The following SPIDR variants were observed in gnomAD, a reference collection of about 807,000 sequenced individuals.
SPIDR encodes scaffold protein involved in DNA repair, also known as DNA repair-scaffolding protein.
Under a neutral mutation model 104.6 loss-of-function variants are expected in SPIDR, and 93 were observed. That is an observed-to-expected ratio of 0.89 (90% CI 0.75 to 1.06). SPIDR has a LOEUF of 1.06. Ranked by LOEUF, SPIDR falls within the 50% of genes least tolerant of loss-of-function variation. SPIDR has a pLI of 0.00. For synonymous variants in SPIDR, 431 were observed against 416.9 expected (o/e 1.03, Z -0.41); for missense variants, 1,154 against 1,111.2 (o/e 1.04, Z -0.55).
chr8:47,499,654 T>C (rs571905385), intron 8 of SPIDR, among the ~76,000 whole-genome samples: 2 of 152,242 alleles, frequency 1.3e-5, no homozygotes, highest in South Asian at 4.2e-4. Context: ...TTTTTTATTA[T>C]ACTTTTAAGT....
At chr8:47,532,521 A>C (rs2086195392) in intron 8 of SPIDR, among the ~76,000 whole-genome samples, 1 of 152,262 alleles carries the variant, frequency 6.6e-6, no homozygotes, top group South Asian at 2.1e-4. Context: ...TTAGAGCAAG[A>C]AAAATTATCA....
At chr8:47,643,735 C>CA (rs1283622783) in intron 10 of SPIDR, among the ~76,000 whole-genome samples, 1 of 151,944 alleles carries the variant, frequency 6.6e-6, no homozygotes, top group African/African-American at 2.4e-5. Flanking sequence ...ATTATATACA[C>CA]AAAAAAGCAT....
intron 8 of SPIDR, among the ~76,000 whole-genome samples, chr8:47,569,149 T>G (rs535228141): frequency 5.7e-4 from 87 of 152,168 alleles, no homozygotes; most frequent in Non-Finnish European, 9.7e-4. Flanking sequence ...AAAATAAACT[T>G]TAAATCAAAA....
At chr8:47,399,622 T>C (rs1399517347) in intron 6 of SPIDR, among the ~76,000 whole-genome samples, 1 of 152,158 alleles carries the variant, frequency 6.6e-6, no homozygotes, top group Non-Finnish European at 1.5e-5. Context: ...GGTCATGGAC[T>C]GAGTTTGAGA....
chr8:47,488,064 C>T lies in SPIDR; in HGVS notation c.1097+47522C>T, dbSNP rs149139928. Among the ~76,000 whole-genome samples, 1,445 of 152,106 alleles carry T rather than the reference C, an allele frequency of 9.5e-3. 22 individuals carry two copies. Among genetic ancestry groups the T allele is most frequent in the Non-Finnish European group, 0.012 (844 of 67,990 alleles). ...ACCCTTCAAAAAATCAATGAATCCA[C>T]GAGCTGGTTTTTTGAAAGGATCAAC... On this transcript the variant is annotated intron_variant, in intron 8 of 19. Transcript: ENST00000297423.
intron 7 of SPIDR, among the ~76,000 whole-genome samples, chr8:47,431,255 C>T (rs2067317127): frequency 6.6e-6 from 1 of 152,168 alleles, no homozygotes; most frequent in Non-Finnish European, 1.5e-5. Context: ...GATCAGGCTA[C>T]CCTTATGACC....
chr8:47,420,366 G>A (rs1271380693), intron 7 of SPIDR, among the ~76,000 whole-genome samples: 1 of 152,134 alleles, frequency 6.6e-6, no homozygotes, highest in Admixed American at 6.5e-5. Flanking sequence ...TTACCATTAT[G>A]TAATGGCCTT....
chr8:47,729,044 C>T lies in SPIDR; in HGVS notation c.2547C>T (p.Val849=), dbSNP rs547788596. The T allele has an allele frequency of 6.3e-5, 101 of 1,613,842 alleles. 1 individual carries two copies. In the South Asian group the frequency reaches 1.0e-3, roughly 16 times the overall value. The change falls in exon 18 of 20, where the codon GTC becomes GTT. Residue 849 remains valine, a synonymous_variant. Transcript: ENST00000297423. ...CRSRPQCRVK[V]KLLQRSISSL... ...CAAGACCGCAGTGCAGAGTGAAGGT[C>T]AAGGTAGGAGCCAGGCCAGAGCACG...
At chr8:47,401,925 T>C (rs922463209) in intron 6 of SPIDR, among the ~76,000 whole-genome samples, 2 of 152,122 alleles carry the variant, frequency 1.3e-5, no homozygotes, top group South Asian at 2.1e-4. Flanking sequence ...GACAGATCAA[T>C]GAGACAGAAA....
intron 16 of SPIDR, among the ~76,000 whole-genome samples, chr8:47,716,057 T>C (rs1186179406): frequency 1.3e-5 from 2 of 150,660 alleles, no homozygotes; most frequent in Admixed American, 6.6e-5. Flanking sequence ...CTCTGCCTAC[T>C]GGGTTCAAGA....
At chr8:47,506,386 A>G (rs2081482208) in intron 8 of SPIDR, among the ~76,000 whole-genome samples, 1 of 152,216 alleles carries the variant, frequency 6.6e-6, no homozygotes, top group Non-Finnish European at 1.5e-5. Context: ...GGGCAGTCCC[A>G]AAATCTCGTT....
chr8:47,599,261 G>C lies in SPIDR; in HGVS notation c.1544+65G>C. The C allele has an allele frequency of 4.4e-6, 7 of 1,579,198 alleles. No individual in the cohort carries two copies. The South Asian group carries it at 6.8e-5, about 15-fold the overall frequency. ...TCACTTAGACAGAGTGCTCTAGAAA[G>C]TGGAGCCTCTTCTCAGAGCACGTTC... On this transcript the variant is annotated intron_variant, in intron 10 of 19. Transcript: ENST00000297423.
At chr8:47,566,082 C>T (rs1465348113) in intron 8 of SPIDR, among the ~76,000 whole-genome samples, 1 of 136,212 alleles carries the variant, frequency 7.3e-6, no homozygotes, top group Non-Finnish European at 1.5e-5. Flanking sequence ...TCTTGGCTCA[C>T]CACAACCTCC....
chr8:47,268,607 G>T (rs112323395), intron 1 of SPIDR, among the ~76,000 whole-genome samples: 3,785 of 152,134 alleles, frequency 0.025, 121 homozygotes, highest in African/African-American at 0.085. Flanking sequence ...ACATGCTGCT[G>T]CACGTGGCTA....
At chr8:47,293,630 T>TAG (rs2040331325) in intron 4 of SPIDR, among the ~76,000 whole-genome samples, 1 of 152,170 alleles carries the variant, frequency 6.6e-6, no homozygotes, top group African/African-American at 2.4e-5. Flanking sequence ...GTATTTTTAA[T>TAG]AGAGACAGCA....
chr8:47,706,175 A>G (rs1394639469), intron 14 of SPIDR, among the ~76,000 whole-genome samples: 1 of 151,910 alleles, frequency 6.6e-6, no homozygotes, highest in Non-Finnish European at 1.5e-5. Flanking sequence ...GGTGGATCAC[A>G]AGGTCAGGAG....
intron 10 of SPIDR, among the ~76,000 whole-genome samples, chr8:47,620,869 C>T (rs947682996): frequency 6.0e-5 from 9 of 150,926 alleles, no homozygotes; most frequent in African/African-American, 9.7e-5. Context: ...CCACCCACCT[C>T]GGCCTCCCAA....
At chr8:47,428,671 G>A (rs2066835216) in intron 7 of SPIDR, among the ~76,000 whole-genome samples, 1 of 152,122 alleles carries the variant, frequency 6.6e-6, no homozygotes, top group Non-Finnish European at 1.5e-5. Context: ...AAGAAGGGTT[G>A]TTAATTTTGT....
At chr8:47,415,382 T>C (rs1159411058) in intron 7 of SPIDR, among the ~76,000 whole-genome samples, 1 of 152,234 alleles carries the variant, frequency 6.6e-6, no homozygotes, top group Admixed American at 6.5e-5. Context: ...CCATTGACCC[T>C]GCTCAGATTT....
Sources: gnomAD v4.1 joint callset for allele counts (sites outside exome capture counted in the v4.1 genomes callset) on GRCh38, gnomAD v4.1.1 for gene constraint, MANE v1.5 for transcripts, NCBI Gene and HGNC (gene_info 2026-07-23, HGNC 2026-07-21) for gene names.